The following ST6GALNAC3 variants were observed in gnomAD, a reference collection of about 807,000 sequenced individuals.
ST6GALNAC3 encodes ST6 N-acetylgalactosaminide alpha-2,6-sialyltransferase 3.
A neutral mutation model predicts 32.7 loss-of-function variants in ST6GALNAC3; 25 were observed. The ratio of observed to expected loss-of-function variants is 0.76; its 90% CI spans 0.56 to 1.07. The LOEUF (loss-of-function observed/expected upper bound fraction) is 1.07, where lower values mean the gene tolerates loss of function less well. ST6GALNAC3 is among the 50% of genes least tolerant of loss of function. ST6GALNAC3 has a pLI of 0.00. For synonymous variants in ST6GALNAC3, 129 were observed against 133.1 expected (o/e 0.97, Z 0.21); for missense variants, 355 against 382.4 (o/e 0.93, Z 0.60).
intron 2 of ST6GALNAC3, among the ~76,000 whole-genome samples, chr1:76,333,711 G>A (rs1647259788): frequency 6.6e-6 from 1 of 151,968 alleles, no homozygotes; most frequent in South Asian, 2.1e-4. Context: ...TAAAATTAAT[G>A]AGACTTTTAA....
At chr1:76,564,736 C>A (rs548366071) in intron 3 of ST6GALNAC3, among the ~76,000 whole-genome samples, 17 of 152,190 alleles carry the variant, frequency 1.1e-4, no homozygotes, top group Non-Finnish European at 1.9e-4. Context: ...TAGGCGCCCA[C>A]CACCACGCCT....
chr1:76,594,765 T>A (rs541379584), intron 3 of ST6GALNAC3, among the ~76,000 whole-genome samples: 3 of 152,162 alleles, frequency 2.0e-5, no homozygotes, highest in Non-Finnish European at 4.4e-5. Flanking sequence ...CCTATTGCAA[T>A]GCTGATTCTT....
intron 1 of ST6GALNAC3, among the ~76,000 whole-genome samples, chr1:76,124,240 G>T (rs2100845003): frequency 6.6e-6 from 1 of 151,186 alleles, no homozygotes; most frequent in African/African-American, 2.4e-5. Context: ...TCTTTGGGGA[G>T]ACTGCCTTGC....
intron 3 of ST6GALNAC3, among the ~76,000 whole-genome samples, chr1:76,606,550 C>A (rs1447108304): frequency 6.6e-6 from 1 of 152,032 alleles, no homozygotes; most frequent in Non-Finnish European, 1.5e-5. Context: ...ACAACCCATA[C>A]TGGGTCCTGT....
intron 1 of ST6GALNAC3, among the ~76,000 whole-genome samples, chr1:76,160,378 A>C (rs1179560176): frequency 6.6e-6 from 1 of 152,186 alleles, no homozygotes; most frequent in East Asian, 1.9e-4. Context: ...GGCATGTGTC[A>C]GAATCATTTG....
chr1:76,377,460 C>CAGAGAGAG (rs112217624), intron 2 of ST6GALNAC3, among the ~76,000 whole-genome samples: 43 of 150,462 alleles, frequency 2.9e-4, no homozygotes, highest in Middle Eastern at 3.4e-3. Flanking sequence ...CTTCACAGGG[C>CAGAGAGAG]AGAGAGAGAG....
intron 3 of ST6GALNAC3, among the ~76,000 whole-genome samples, chr1:76,624,576 G>T (rs1231959865): frequency 6.6e-6 from 1 of 151,842 alleles, no homozygotes; most frequent in Admixed American, 6.6e-5. Context: ...TATTATCTTT[G>T]TCTTTGATAA....
In ST6GALNAC3 at chr1:76,313,665, A is replaced by C. The variant is rs1223684361; in HGVS notation, c.19-140A>C. ...TTTGGTCACCAAATAATTATTTTCCATTTCCAGGTAAAATATGCTGAATGA... is the reference window on the plus strand; with the variant it reads ...TTTGGTCACCAAATAATTATTTTCCCTTTCCAGGTAAAATATGCTGAATGA... On this transcript the variant is annotated intron_variant, in intron 1 of 4. Transcript: ENST00000328299. The C allele has an allele frequency of 6.2e-6, 6 of 961,362 alleles. No individual in the cohort carries two copies. In the African/African-American group the frequency reaches 9.6e-5, roughly 15 times the overall value. 59.6% of individuals were successfully genotyped at this position (961,362 alleles called of 1,614,324 possible).
intron 1 of ST6GALNAC3, among the ~76,000 whole-genome samples, chr1:76,149,158 G>T (rs1650882314): frequency 1.3e-5 from 2 of 152,178 alleles, no homozygotes; most frequent in African/African-American, 4.8e-5. Context: ...TCTGGCTTAT[G>T]GGGCTTAGGT....
chr1:76,540,361 T>TG (rs1187310173), intron 3 of ST6GALNAC3, among the ~76,000 whole-genome samples: 4 of 150,340 alleles, frequency 2.7e-5, no homozygotes, highest in African/African-American at 4.9e-5. Flanking sequence ...TGTTGGGGAG[T>TG]GGGGGGTGAG....
chr1:76,209,945 G>T (rs1445522280), intron 1 of ST6GALNAC3, among the ~76,000 whole-genome samples: 3 of 152,080 alleles, frequency 2.0e-5, no homozygotes, highest in Non-Finnish European at 2.9e-5. Flanking sequence ...ACTCTATTAA[G>T]ATAACGTTGT....
chr1:76,223,470 C>T (rs1655895825), intron 1 of ST6GALNAC3, among the ~76,000 whole-genome samples: 1 of 152,078 alleles, frequency 6.6e-6, no homozygotes, highest in East Asian at 1.9e-4. Context: ...TGCTTATTAC[C>T]TGGATGATGA....
intron 3 of ST6GALNAC3, among the ~76,000 whole-genome samples, chr1:76,430,243 A>G (rs1473155979): frequency 1.3e-5 from 2 of 152,132 alleles, no homozygotes; most frequent in East Asian, 3.9e-4. Context: ...TTGCCCTTCA[A>G]TCTGCATTTT....
chr1:76,109,396 C>A (rs546200616), intron 1 of ST6GALNAC3, among the ~76,000 whole-genome samples: 1 of 152,294 alleles, frequency 6.6e-6, no homozygotes, highest in African/African-American at 2.4e-5. Flanking sequence ...CGAAGGGCTG[C>A]AGGTTTGTCA....
In ST6GALNAC3 at chr1:76,197,017, A is replaced by G. The variant is rs113616581; in HGVS notation, c.19-116788A>G. Reference sequence around the variant, plus strand: ...ATTTATATTTTTTCTAGCATGTCCTATTTTGCTGTGCCTAATTGCTATTAA... The same window carrying G: ...ATTTATATTTTTTCTAGCATGTCCTGTTTTGCTGTGCCTAATTGCTATTAA... On this transcript the variant is annotated intron_variant, in intron 1 of 4. Coordinates refer to ENST00000328299, the MANE Select transcript of ST6GALNAC3 (RefSeq NM_152996.4). Among the ~76,000 whole-genome samples, 583 of 152,178 alleles carry G rather than the reference A, an allele frequency of 3.8e-3. 4 individuals carry two copies. The highest frequency in any genetic ancestry group is 0.013 in the African/African-American group (535 of 41,526).
intron 3 of ST6GALNAC3, among the ~76,000 whole-genome samples, chr1:76,527,749 G>T (rs192633163): frequency 4.6e-5 from 7 of 152,230 alleles, no homozygotes; most frequent in African/African-American, 1.7e-4. Context: ...ATAACCTTGA[G>T]AGCCTTGTGC....
At chr1:76,233,890 A>T (rs1225760565) in intron 1 of ST6GALNAC3, among the ~76,000 whole-genome samples, 8 of 152,224 alleles carry the variant, frequency 5.3e-5, no homozygotes, top group Non-Finnish European at 1.2e-4. Flanking sequence ...GTATACAAAC[A>T]GATACACAGT....
chr1:76,109,467 A>G (rs1474899329), intron 1 of ST6GALNAC3, among the ~76,000 whole-genome samples: 2 of 152,218 alleles, frequency 1.3e-5, no homozygotes, highest in African/African-American at 4.8e-5. Context: ...AGCCTTCTGT[A>G]AGTTATTCTG....
intron 3 of ST6GALNAC3, among the ~76,000 whole-genome samples, chr1:76,510,695 T>G (rs1446862529): frequency 1.3e-5 from 2 of 152,202 alleles, no homozygotes; most frequent in African/African-American, 4.8e-5. Flanking sequence ...AAGTCAAAAA[T>G]GCATTCAATA....
Sources: gnomAD v4.1 joint callset for allele counts (sites outside exome capture counted in the v4.1 genomes callset) on GRCh38, gnomAD v4.1.1 for gene constraint, MANE v1.5 for transcripts, NCBI Gene and HGNC (gene_info 2026-07-23, HGNC 2026-07-21) for gene names.